ASB5: variants seen among roughly 807,000 people sequenced by gnomAD.
ASB5 encodes ankyrin repeat and SOCS box protein 5.
ASB5 carries 45 observed loss-of-function variants against 42.1 expected under a neutral mutation model. The ratio of observed to expected loss-of-function variants is 1.07; its 90% CI spans 0.84 to 1.37. The LOEUF (loss-of-function observed/expected upper bound fraction) is 1.37. Ranked by LOEUF, ASB5 falls within the 40% of genes most tolerant of loss-of-function variation. The probability of loss-of-function intolerance (pLI) is 0.00; values close to 1 mark genes in which losing one functional copy is unlikely to be tolerated. For missense variants in ASB5, 402 were observed against 399.8 expected, an observed-to-expected ratio of 1.01 and a Z score of -0.05; for synonymous variants, 147 against 150.6, an observed-to-expected ratio of 0.98 and a Z score of 0.18.
intron 1 of ASB5, among the ~76,000 whole-genome samples, chr4:176,235,174 T>C (rs555929888): frequency 6.6e-6 from 1 of 152,296 alleles, no homozygotes; most frequent in African/African-American, 2.4e-5. Context: ...AAAGGAAGAA[T>C]TGTGGAATTG....
At chr4:176,235,260 T>A (rs1753656340) in intron 1 of ASB5, among the ~76,000 whole-genome samples, 1 of 152,224 alleles carries the variant, frequency 6.6e-6, no homozygotes, top group Non-Finnish European at 1.5e-5. Flanking sequence ...CTATTAACTA[T>A]AATACCTTAT....
intron 1 of ASB5, among the ~76,000 whole-genome samples, chr4:176,245,832 G>A (rs748451999): frequency 8.5e-5 from 13 of 152,138 alleles, no homozygotes; most frequent in South Asian, 2.1e-4. Flanking sequence ...CTTATTCTTC[G>A]GTGGGAATTG....
intron 1 of ASB5, among the ~76,000 whole-genome samples, chr4:176,252,768 G>A (rs1363689717): frequency 6.6e-6 from 1 of 152,174 alleles, no homozygotes; most frequent in Non-Finnish European, 1.5e-5. Context: ...TCTCACAAAT[G>A]GTAAGAATGC....
At position 176,223,428 on chromosome 4, in the gene ASB5, G is replaced by A. The variant is rs377403058; in HGVS notation, c.277-1008C>T. On this transcript the variant is annotated intron_variant, in intron 2 of 6. Coordinates refer to ENST00000296525, the MANE Select transcript of ASB5 (RefSeq NM_080874.4). ...AAAACTAAGTAAACACTTTTTCACT[G>A]TATTCCAATCAAACTCAAAATATCA... is the stretch of plus-strand genomic sequence containing the variant. Among the ~76,000 whole-genome samples, 8 of 152,250 alleles carry A rather than the reference G, an allele frequency of 5.3e-5. No homozygotes were observed. In the South Asian group the frequency reaches 1.5e-3, roughly 28 times the overall value.
At chr4:176,252,887 A>G (rs991785559) in intron 1 of ASB5, among the ~76,000 whole-genome samples, 3 of 152,226 alleles carry the variant, frequency 2.0e-5, no homozygotes, top group African/African-American at 7.2e-5. Context: ...TTTCTTCTCT[A>G]CAAAGGAAGC....
chr4:176,221,382 T>A, intron 4 of ASB5, 68 bp downstream of exon 4: 14 of 1,597,528 alleles, frequency 8.8e-6, no homozygotes, highest in Non-Finnish European at 1.2e-5. Context: ...CATTGAAAGA[T>A]CAACAGAGCA....
At chr4:176,222,938 G>A (rs1235365444) in intron 2 of ASB5, among the ~76,000 whole-genome samples, 3 of 108,712 alleles carry the variant, frequency 2.8e-5, no homozygotes, top group South Asian at 5.8e-4. Context: ...CCACAAGGCC[G>A]GGCTAATTTT....
At position 176,263,783 on chromosome 4, in the gene ASB5, A is replaced by C. The variant is rs544406520; in HGVS notation, c.196+5130T>G. On this transcript the variant is annotated intron_variant, in intron 1 of 6. Transcript: ENST00000296525. ...AGCAGCACCAAAAGTCACAGGAAAC[A>C]AGTTGCTCCTCAGAAACAGGTATAG... Among the ~76,000 whole-genome samples, 10 of 152,308 alleles carry C rather than the reference A, an allele frequency of 6.6e-5. No individual in the cohort carries two copies. The South Asian group carries it at 2.1e-3, about 32-fold the overall frequency.
intron 1 of ASB5, among the ~76,000 whole-genome samples, chr4:176,246,770 C>T (rs1281366907): frequency 6.6e-6 from 1 of 152,134 alleles, no homozygotes; most frequent in African/African-American, 2.4e-5. Flanking sequence ...CGAAGGCTTT[C>T]CCTCTCAATT....
chr4:176,250,052 G>A (rs1579329137), intron 1 of ASB5, among the ~76,000 whole-genome samples: 1 of 142,158 alleles, frequency 7.0e-6, no homozygotes, highest in Non-Finnish European at 1.5e-5. Flanking sequence ...GTGACAGAGT[G>A]AGACTCCATC....
intron 1 of ASB5, among the ~76,000 whole-genome samples, chr4:176,256,418 G>C (rs1754158360): frequency 6.6e-6 from 1 of 152,090 alleles, no homozygotes. Flanking sequence ...GCAGTGGCCT[G>C]GTAAAGGGGC....
chr4:176,243,344 T>C (rs112038833), intron 1 of ASB5, among the ~76,000 whole-genome samples: 2,053 of 152,270 alleles, frequency 0.013, 46 homozygotes, highest in African/African-American at 0.047. Flanking sequence ...AATCAATTAC[T>C]AAGATAATTT....
At chr4:176,265,485 G>A (rs780553454) in intron 1 of ASB5, among the ~76,000 whole-genome samples, 3 of 152,114 alleles carry the variant, frequency 2.0e-5, no homozygotes, top group African/African-American at 4.8e-5. Context: ...TATGTATACC[G>A]TATCCTCAGT....
At chr4:176,221,367 T>C in intron 4 of ASB5, 78 bp from the exon 5 acceptor site, 1 of 1,596,196 alleles carries the variant, frequency 6.3e-7, no homozygotes, top group East Asian at 2.2e-5. Flanking sequence ...CCTTGTGGTG[T>C]CATTCATTGA....
At chr4:176,236,538 T>C (rs1753688490) in intron 1 of ASB5, among the ~76,000 whole-genome samples, 1 of 152,240 alleles carries the variant, frequency 6.6e-6, no homozygotes, top group Non-Finnish European at 1.5e-5. Flanking sequence ...AGGGATCCAG[T>C]TGCTTTCTCA....
intron 1 of ASB5, among the ~76,000 whole-genome samples, chr4:176,243,066 G>A (rs1038157162): frequency 3.3e-5 from 5 of 152,034 alleles, no homozygotes; most frequent in East Asian, 3.9e-4. Context: ...GAAACTGTAC[G>A]CAACTAGTCC....
intron 2 of ASB5, among the ~76,000 whole-genome samples, chr4:176,275,352 G>T (rs1579340894): frequency 6.6e-6 from 1 of 152,112 alleles, no homozygotes; most frequent in Non-Finnish European, 1.5e-5. Context: ...CCCTGTTTAG[G>T]ATTCTAAGAT....
At chr4:176,238,798 T>C (rs1166134631) in intron 1 of ASB5, among the ~76,000 whole-genome samples, 2 of 152,198 alleles carry the variant, frequency 1.3e-5, no homozygotes, top group Non-Finnish European at 2.9e-5. Context: ...CACTACCCTA[T>C]GGACATTTGC....
chr4:176,264,957 G>C (rs1487769225), intron 1 of ASB5, among the ~76,000 whole-genome samples: 2 of 151,668 alleles, frequency 1.3e-5, no homozygotes, highest in African/African-American at 2.4e-5. Context: ...AACTAGTCTA[G>C]GTCCTCATCT....
Sources: allele counts gnomAD v4.1 joint callset (sites outside exome capture counted in the v4.1 genomes callset), GRCh38; gene constraint gnomAD v4.1.1; transcripts MANE v1.5; gene names NCBI Gene and HGNC (gene_info 2026-07-23, HGNC 2026-07-21).